RGS6: variants seen among roughly 807,000 people sequenced by gnomAD.
RGS6 encodes the protein regulator of G-protein signaling 6.
Under a neutral mutation model 78.5 loss-of-function variants are expected in RGS6, and 30 were observed. The ratio of observed to expected loss-of-function variants is 0.38; its 90% CI spans 0.29 to 0.52. The LOEUF is 0.52. Ranked by LOEUF, RGS6 falls within the 20% of genes least tolerant of loss-of-function variation. The pLI is 0.85. For synonymous variants in RGS6, 206 were observed against 206.0 expected (o/e 1.00, Z 0.00); for missense variants, 495 against 609.7 (o/e 0.81, Z 1.98).
At chr14:72,375,800 G>A (rs985518142) in intron 3 of RGS6, among the ~76,000 whole-genome samples, 3 of 152,146 alleles carry the variant, frequency 2.0e-5, no homozygotes, top group African/African-American at 7.2e-5. Context: ...CTATACTACT[G>A]TGTCTACCCA....
intron 3 of RGS6, among the ~76,000 whole-genome samples, chr14:72,392,101 CT>C (rs774139191): frequency 3.3e-5 from 5 of 152,136 alleles, no homozygotes; most frequent in African/African-American, 4.8e-5. Context: ...TCACTGTAGC[CT>C]CTGTCTCCTA....
the RGS6 span, among the ~76,000 whole-genome samples, chr14:72,582,427 C>T: frequency 2.3e-4 from 35 of 152,150 alleles, no homozygotes; most frequent in African/African-American, 7.5e-4. Flanking sequence ...TGATTAAATT[C>T]ATGGAAAAAA....
Position 72,013,359 on chromosome 14 carries a change from TCCA to T in RGS6, c.84+48485_84+48487del, listed in dbSNP as rs2086259851. 3.6e-4 allele frequency among the ~76,000 whole-genome samples: 4 copies of T among 11,074 alleles called. No homozygotes were observed. The Admixed American group carries it at 4.6e-3, about 13-fold the overall frequency. 7.3% of individuals were successfully genotyped at this position (11,074 alleles called of 152,430 possible). ...GTAAGGTGAATGACACATTAATGAC[TCCA>T]TTTTCCATTTGATCAGTTCTTACAT... On this transcript the variant is annotated intron_variant, in intron 2 of 17. Transcript: ENST00000553525.
intron 3 of RGS6, among the ~76,000 whole-genome samples, chr14:72,384,071 G>GAC (rs1277653309): frequency 6.6e-6 from 1 of 152,158 alleles, no homozygotes; most frequent in Non-Finnish European, 1.5e-5. Flanking sequence ...CACACTCAGT[G>GAC]ACACACACAC....
intron 17 of RGS6, among the ~76,000 whole-genome samples, chr14:72,548,970 A>G (rs1197480664): frequency 6.6e-6 from 1 of 152,228 alleles, no homozygotes; most frequent in Non-Finnish European, 1.5e-5. Context: ...AGATCCCATG[A>G]TCTTTTGCAA....
chr14:72,240,544 TATTA>T (rs2052510007), intron 2 of RGS6, among the ~76,000 whole-genome samples: 1 of 152,222 alleles, frequency 6.6e-6, no homozygotes, highest in South Asian at 2.1e-4. Context: ...GTAGCCCCAT[TATTA>T]ATTCTTGGCT....
intron 3 of RGS6, chr14:72,420,865 T>C (rs192434652): frequency 6.6e-6 from 1 of 152,352 alleles, no homozygotes; most frequent in East Asian, 1.9e-4. Flanking sequence ...CACATTCCTG[T>C]AACCTGGCAG....
intron 2 of RGS6, among the ~76,000 whole-genome samples, chr14:72,345,841 G>A (rs2077935304): frequency 6.6e-6 from 1 of 152,224 alleles, no homozygotes; most frequent in Admixed American, 6.5e-5. Flanking sequence ...GCAATGCATT[G>A]TGTCTTTAAA....
intron 2 of RGS6, among the ~76,000 whole-genome samples, chr14:72,097,251 G>A (rs989555458): frequency 7.9e-5 from 12 of 152,222 alleles, no homozygotes; most frequent in Non-Finnish European, 1.8e-4. Context: ...GCTTTGAGGT[G>A]CAATTTCTAT....
intron 2 of RGS6, among the ~76,000 whole-genome samples, chr14:72,049,825 C>T (rs564715266): frequency 1.3e-5 from 2 of 152,230 alleles, no homozygotes; most frequent in African/African-American, 4.8e-5. Context: ...TTTTATCTGC[C>T]ATGTATAGTC....
chr14:72,118,774 A>ATT (rs1195315952), intron 2 of RGS6, among the ~76,000 whole-genome samples: 2 of 152,244 alleles, frequency 1.3e-5, no homozygotes, highest in Admixed American at 1.3e-4. Context: ...GGAAGAGTCT[A>ATT]TTTAATAATG....
chr14:71,984,828 A>T (rs1273171599), intron 2 of RGS6, among the ~76,000 whole-genome samples: 1 of 152,018 alleles, frequency 6.6e-6, no homozygotes, highest in African/African-American at 2.4e-5. Context: ...CTGCCAATGA[A>T]TTTTTTTTCC....
At chr14:72,548,348 C>CGCGTGTGT (rs141987560) in intron 17 of RGS6, among the ~76,000 whole-genome samples, 1 of 129,464 alleles carries the variant, frequency 7.7e-6, no homozygotes, top group African/African-American at 3.1e-5. Context: ...TGTGTGCGCG[C>CGCGTGTGT]GTGTGTGTGT....
At chr14:72,571,868 G>A in the RGS6 span, among the ~76,000 whole-genome samples, 5 of 152,144 alleles carry the variant, frequency 3.3e-5, no homozygotes, top group Non-Finnish European at 7.3e-5. Context: ...CATCAATAAA[G>A]TGAAAAGATA....
chr14:72,275,966 C>G (rs754723293), intron 2 of RGS6, among the ~76,000 whole-genome samples: 4 of 152,132 alleles, frequency 2.6e-5, no homozygotes, highest in Non-Finnish European at 5.9e-5. Context: ...CCTCTCTATC[C>G]CATGAGACTT....
intron 2 of RGS6, among the ~76,000 whole-genome samples, chr14:72,077,607 A>T (rs1475849904): frequency 3.3e-5 from 5 of 152,016 alleles, no homozygotes; most frequent in Admixed American, 3.3e-4. Flanking sequence ...AAGCCCTTTA[A>T]TTCTGTTTCT....
At chr14:72,480,231 A>G (rs759132376) in intron 12 of RGS6, among the ~76,000 whole-genome samples, 41 of 152,128 alleles carry the variant, frequency 2.7e-4, no homozygotes, top group Non-Finnish European at 5.0e-4. Context: ...GCTCACATCC[A>G]ATTTGTTATA....
chr14:71,987,555 T>C (rs142028185), intron 2 of RGS6, among the ~76,000 whole-genome samples: 1 of 152,340 alleles, frequency 6.6e-6, no homozygotes, highest in African/African-American at 2.4e-5. Context: ...AGAGAGAGTC[T>C]CACTCTGTTC....
the RGS6 span, among the ~76,000 whole-genome samples, chr14:71,889,638 C>T: frequency 1.4e-3 from 209 of 152,120 alleles, no homozygotes; most frequent in African/African-American, 4.5e-3. Context: ...CTTTGCAGGG[C>T]GTAAGGTACA....
Sources: allele counts gnomAD v4.1 joint callset (sites outside exome capture counted in the v4.1 genomes callset), GRCh38; gene constraint gnomAD v4.1.1; transcripts MANE v1.5; gene names NCBI Gene and HGNC (gene_info 2026-07-23, HGNC 2026-07-21).